The following DSCAM variants were observed in gnomAD, a reference collection of about 807,000 sequenced individuals.
DSCAM encodes the protein cell adhesion molecule DSCAM.
In DSCAM, 47 loss-of-function variants were observed where a neutral mutation model predicts 217.7. The ratio of observed to expected loss-of-function variants is 0.22; its 90% CI spans 0.17 to 0.28. The LOEUF (loss-of-function observed/expected upper bound fraction) is 0.28. Ranked by LOEUF, DSCAM falls within the 10% of genes least tolerant of loss-of-function variation. The pLI is 1.00. For synonymous variants in DSCAM, 1,056 were observed against 1,015.3 expected, an observed-to-expected ratio of 1.04 and a Z score of -0.76; for missense variants, 2,080 against 2,618.3, an observed-to-expected ratio of 0.79 and a Z score of 4.49.
At chr21:40,577,539 C>G (rs999334883) in intron 3 of DSCAM, among the ~76,000 whole-genome samples, 10 of 151,884 alleles carry the variant, frequency 6.6e-5, no homozygotes, top group Non-Finnish European at 8.8e-5. Context: ...CTTGCTGGGG[C>G]CTCCATTATG....
chr21:40,818,013 G>T (rs1205824132), intron 1 of DSCAM, among the ~76,000 whole-genome samples: 1 of 148,800 alleles, frequency 6.7e-6, no homozygotes, highest in Admixed American at 6.7e-5. Context: ...GGAGAATGGC[G>T]TGAACCCGGG....
rs1568954851 is a variant in DSCAM, at chr21:40,637,490, A to AATATATAAAT, written c.508+55310_508+55319dup. On this transcript the variant is annotated intron_variant, in intron 3 of 32. Transcript: ENST00000400454. ...ATATAAATATATATAAATATATAAA[A>AATATATAAAT]ATATATAAATATATATAAATATATA... Among the ~76,000 whole-genome samples, 3 of 20,252 alleles carry AATATATAAAT rather than the reference A, an allele frequency of 1.5e-4. 1 individual carries two copies. Among genetic ancestry groups the AATATATAAAT allele is most frequent in the Admixed American group, 1.1e-3 (1 of 918 alleles). 13.3% of individuals were successfully genotyped at this position (20,252 alleles called of 152,430 possible).
At chr21:40,371,422 C>CAAAA (rs35103902) in intron 3 of DSCAM, among the ~76,000 whole-genome samples, 1 of 142,666 alleles carries the variant, frequency 7.0e-6, no homozygotes, top group Non-Finnish European at 1.5e-5. Flanking sequence ...AAAGGAAAGT[C>CAAAA]AAAAAAAAAA....
At chr21:40,443,336 C>T (rs1208141972) in intron 3 of DSCAM, among the ~76,000 whole-genome samples, 2 of 152,154 alleles carry the variant, frequency 1.3e-5, no homozygotes, top group African/African-American at 4.8e-5. Flanking sequence ...TCAATAAAGA[C>T]GTTGAAATCC....
intron 11 of DSCAM, among the ~76,000 whole-genome samples, chr21:40,213,842 C>T (rs528284181): frequency 2.0e-5 from 3 of 152,304 alleles, no homozygotes; most frequent in East Asian, 1.9e-4. Context: ...TATAAGGAGG[C>T]AATGTCCAGG....
At chr21:40,577,606 T>C (rs2076863959) in intron 3 of DSCAM, among the ~76,000 whole-genome samples, 1 of 152,196 alleles carries the variant, frequency 6.6e-6, no homozygotes, top group Admixed American at 6.5e-5. Flanking sequence ...AAGAGTCCTT[T>C]ATTAGCCGGC....
chr21:40,386,807 T>C (rs911392134), intron 3 of DSCAM, among the ~76,000 whole-genome samples: 5 of 152,206 alleles, frequency 3.3e-5, no homozygotes, highest in African/African-American at 1.2e-4. Context: ...TCCACGTTTA[T>C]TTATATTATT....
At position 40,203,067 on chromosome 21, in the gene DSCAM, T is replaced by C. The variant is rs554817077; in HGVS notation, c.2357-13829A>G. Among the ~76,000 whole-genome samples the C allele has an allele frequency of 3.3e-5, 5 of 152,294 alleles. No homozygotes were observed. In the East Asian group the frequency reaches 9.6e-4, roughly 29 times the overall value. On this transcript the variant is annotated intron_variant, in intron 11 of 32. Transcript: ENST00000400454. ...GGTTTTGTAAATATGAGTATAAAAA[T>C]TGAGGCACAGAGAGGCTAAATGGCT... is the stretch of plus-strand genomic sequence containing the variant.
chr21:40,759,253 A>C (rs1340445374), intron 1 of DSCAM, among the ~76,000 whole-genome samples: 3 of 151,980 alleles, frequency 2.0e-5, no homozygotes, highest in Non-Finnish European at 4.4e-5. Flanking sequence ...ACGTGCTCCA[A>C]GCCTATCCTG....
intron 3 of DSCAM, among the ~76,000 whole-genome samples, chr21:40,555,294 A>C (rs1308892444): frequency 6.6e-6 from 1 of 152,198 alleles, no homozygotes; most frequent in East Asian, 1.9e-4. Context: ...TTTAAAACAC[A>C]GCTCTTTAAT....
Position 40,561,029 on chromosome 21 carries a change from G to GT in DSCAM, c.508+131780dup, listed in dbSNP as rs556142856. ...GTTTATGAGGATTACATTAAGTGTCGTATGTTAACAAACATTGACAAATGA... is the reference window on the plus strand; with the variant it reads ...GTTTATGAGGATTACATTAAGTGTCGTTATGTTAACAAACATTGACAAATGA... On this transcript the variant is annotated intron_variant, in intron 3 of 32. Transcript: ENST00000400454. Among the ~76,000 whole-genome samples, 30 of 152,276 alleles carry GT rather than the reference G, an allele frequency of 2.0e-4. 1 individual carries two copies. The South Asian group carries it at 6.0e-3, about 30-fold the overall frequency.
intron 32 of DSCAM, among the ~76,000 whole-genome samples, chr21:40,025,959 A>C (rs966896850): frequency 3.4e-5 from 5 of 147,144 alleles, no homozygotes; most frequent in African/African-American, 1.3e-4. Context: ...TTTAATTGTG[A>C]TGTTAGGGTG....
chr21:40,307,172 G>A (rs1031924451), intron 9 of DSCAM, among the ~76,000 whole-genome samples: 6 of 151,250 alleles, frequency 4.0e-5, no homozygotes, highest in East Asian at 1.9e-4. Context: ...GAAAATTTTC[G>A]CAACCTACTC....
At position 40,180,363 on chromosome 21, in the gene DSCAM, A is replaced by G. The variant is rs543974445; in HGVS notation, c.2780-1269T>C. Among the ~76,000 whole-genome samples the G allele has an allele frequency of 2.0e-5, 3 of 152,340 alleles. No individual in the cohort carries two copies. The South Asian group carries it at 6.2e-4, about 32-fold the overall frequency. The stretch of plus-strand genomic sequence containing the variant: ...TTTGGATACTGTAACTTCTCAGAGA[A>G]TGAAGCCTAATAGAATCTGACAATG... On this transcript the variant is annotated intron_variant, in intron 14 of 32. Coordinates refer to ENST00000400454, the MANE Select transcript of DSCAM (RefSeq NM_001389.5).
chr21:40,542,069 C>A (rs1249237283), intron 3 of DSCAM, among the ~76,000 whole-genome samples: 1 of 152,138 alleles, frequency 6.6e-6, no homozygotes. Flanking sequence ...ACAAAAGAAA[C>A]TTGTTTTCTG....
At chr21:40,345,426 T>TC (rs2074547063) in intron 6 of DSCAM, among the ~76,000 whole-genome samples, 2 of 152,204 alleles carry the variant, frequency 1.3e-5, no homozygotes, top group South Asian at 4.1e-4. Flanking sequence ...CTTTTGCTTT[T>TC]CCCAAAGTTT....
At chr21:40,299,363 C>T (rs1342960674) in intron 9 of DSCAM, among the ~76,000 whole-genome samples, 1 of 152,094 alleles carries the variant, frequency 6.6e-6, no homozygotes, top group Non-Finnish European at 1.5e-5. Context: ...CCAGTGAATA[C>T]GTAGGTCCCT....
At chr21:40,284,281 A>G (rs1185954508) in intron 10 of DSCAM, among the ~76,000 whole-genome samples, 1 of 152,248 alleles carries the variant, frequency 6.6e-6, no homozygotes, top group Non-Finnish European at 1.5e-5. Flanking sequence ...GTCCTGAGAC[A>G]CCACTGGCTT....
At chr21:40,797,852 C>T (rs748367078) in intron 1 of DSCAM, among the ~76,000 whole-genome samples, 1 of 151,480 alleles carries the variant, frequency 6.6e-6, no homozygotes, top group Non-Finnish European at 1.5e-5. Context: ...CTGGTGTTTT[C>T]TAATTTATCA....
Sources: allele counts gnomAD v4.1 joint callset (sites outside exome capture counted in the v4.1 genomes callset), GRCh38; gene constraint gnomAD v4.1.1; transcripts MANE v1.5; gene names NCBI Gene and HGNC (gene_info 2026-07-23, HGNC 2026-07-21).